Variants in PRELID2 observed in about 807,000 individuals in gnomAD.
PRELID2 encodes PRELI domain-containing protein 2.
A neutral mutation model predicts 28.4 loss-of-function variants in PRELID2; 25 were observed. That is an observed-to-expected ratio of 0.88 (90% CI 0.64 to 1.23). PRELID2 has a LOEUF of 1.23. PRELID2 is among the 50% of genes most tolerant of loss of function. The probability of loss-of-function intolerance (pLI) is 0.00; values close to 1 mark genes in which losing one functional copy is unlikely to be tolerated. For synonymous variants in PRELID2, 76 were observed against 71.6 expected, an observed-to-expected ratio of 1.06 and a Z score of -0.31; for missense variants, 201 against 214.4, an observed-to-expected ratio of 0.94 and a Z score of 0.39.
the PRELID2 span, among the ~76,000 whole-genome samples, chr5:145,398,914 G>A: frequency 5.3e-5 from 8 of 152,026 alleles, no homozygotes; most frequent in Admixed American, 2.0e-4. Flanking sequence ...GTCTTGAGAG[G>A]ATCATATAGA....
At chr5:145,418,183 A>G in the PRELID2 span, among the ~76,000 whole-genome samples, 1 of 152,140 alleles carries the variant, frequency 6.6e-6, no homozygotes, top group Non-Finnish European at 1.5e-5. Flanking sequence ...GATAACAAGG[A>G]AAGTGAATGA....
At chr5:145,643,463 G>A (rs1754142445) in intron 1 of PRELID2, among the ~76,000 whole-genome samples, 1 of 152,178 alleles carries the variant, frequency 6.6e-6, no homozygotes, top group African/African-American at 2.4e-5. Flanking sequence ...TGCAAACATA[G>A]ATAATTTGAC....
At chr5:145,691,476 CA>C (rs1755148200) in intron 1 of PRELID2, among the ~76,000 whole-genome samples, 1 of 152,058 alleles carries the variant, frequency 6.6e-6, no homozygotes, top group Non-Finnish European at 1.5e-5. Flanking sequence ...GAGGCCGAGG[CA>C]GGGGGATCAC....
the PRELID2 span, among the ~76,000 whole-genome samples, chr5:145,418,828 A>T: frequency 6.6e-6 from 1 of 151,268 alleles, no homozygotes; most frequent in Non-Finnish European, 1.5e-5. Flanking sequence ...CGCTGCACCC[A>T]CTAACTCGTC....
At chr5:145,614,753 A>G (rs1276846079) in intron 1 of PRELID2, among the ~76,000 whole-genome samples, 1 of 152,156 alleles carries the variant, frequency 6.6e-6, no homozygotes, top group African/African-American at 2.4e-5. Flanking sequence ...TTTTCAAGAT[A>G]AACAATCATA....
intron 1 of PRELID2, among the ~76,000 whole-genome samples, chr5:145,829,284 G>A (rs529886552): frequency 6.6e-6 from 1 of 152,204 alleles, no homozygotes; most frequent in Admixed American, 6.5e-5. Context: ...TGTTCAAATG[G>A]CATTTAGAAA....
In PRELID2 at chr5:145,547,861, C is replaced by T. The variant is rs550554881; in HGVS notation, n.71-74546G>A. ...AGTATAGTCATACAGAGATCATCTG[C>T]CAAATGCAATGTTCTTTTCTTTTTC... On this transcript the variant is annotated intron_variant and non_coding_transcript_variant, in intron 1 of 2. Coordinates refer to the PRELID2 transcript ENST00000510259. Among the ~76,000 whole-genome samples, 27 of 152,294 alleles carry T rather than the reference C, an allele frequency of 1.8e-4. No individual in the cohort carries two copies. In the South Asian group the frequency reaches 5.6e-3, roughly 32 times the overall value.
downstream of PRELID2, among the ~76,000 whole-genome samples, chr5:145,468,913 A>G (rs1191910224): frequency 6.6e-6 from 1 of 152,072 alleles, no homozygotes; most frequent in African/African-American, 2.4e-5. Context: ...GAAGCTCTTT[A>G]GTTTAATTAG....
chr5:145,350,390 A>T, the PRELID2 span, among the ~76,000 whole-genome samples: 1 of 152,198 alleles, frequency 6.6e-6, no homozygotes, highest in Non-Finnish European at 1.5e-5. Context: ...CAAGAAAGGC[A>T]CAGGGCTCCA....
chr5:145,751,710 G>A (rs765744333), downstream of PRELID2, among the ~76,000 whole-genome samples: 8 of 152,180 alleles, frequency 5.3e-5, no homozygotes, highest in East Asian at 1.9e-4. Flanking sequence ...GGCCAGGCAC[G>A]GTGGCTCACG....
intron 1 of PRELID2, among the ~76,000 whole-genome samples, chr5:145,647,468 T>G (rs375092541): frequency 1.3e-3 from 203 of 152,160 alleles, no homozygotes; most frequent in African/African-American, 4.7e-3. Flanking sequence ...TCTGTGGGGG[T>G]GGGACCCACC....
chr5:145,604,748 GTTTTTT>G (rs377653737), intron 1 of PRELID2, among the ~76,000 whole-genome samples: 4 of 109,004 alleles, frequency 3.7e-5, no homozygotes, highest in African/African-American at 1.3e-4. Context: ...GTTTTTTTTG[GTTTTTT>G]TTTTTTTTTT....
At chr5:145,495,257 C>T (rs143235380) in intron 1 of PRELID2, among the ~76,000 whole-genome samples, 188 of 152,252 alleles carry the variant, frequency 1.2e-3, no homozygotes, top group African/African-American at 4.5e-3. Flanking sequence ...CTGCCTCTTC[C>T]GGCAGGCTGG....
chr5:145,599,809 A>C (rs1309706899), intron 1 of PRELID2, among the ~76,000 whole-genome samples: 4 of 152,294 alleles, frequency 2.6e-5, no homozygotes, highest in Admixed American at 2.6e-4. Flanking sequence ...TCTTAAACCT[A>C]GTTGTACATC....
chr5:145,324,296 TAAAAGACA>T, the PRELID2 span, among the ~76,000 whole-genome samples: 2 of 152,132 alleles, frequency 1.3e-5, no homozygotes, highest in Non-Finnish European at 2.9e-5. Context: ...GGGACATGTC[TAAAAGACA>T]TGTCCAAAAA....
intron 4 of PRELID2, among the ~76,000 whole-genome samples, chr5:145,803,679 C>T (rs1753299024): frequency 7.0e-6 from 1 of 143,102 alleles, no homozygotes; most frequent in Non-Finnish European, 1.5e-5. Flanking sequence ...ACAGTACTAA[C>T]ATTAGTAATA....
the PRELID2 span, among the ~76,000 whole-genome samples, chr5:145,414,029 T>C: frequency 2.0e-5 from 3 of 152,170 alleles, no homozygotes; most frequent in South Asian, 2.1e-4. Flanking sequence ...GAAGAAAATA[T>C]TTCTTATTTT....
downstream of PRELID2, among the ~76,000 whole-genome samples, chr5:145,467,870 T>A (rs1752016272): frequency 6.6e-6 from 1 of 151,920 alleles, no homozygotes; most frequent in African/African-American, 2.4e-5. Context: ...CAAGTTTATT[T>A]TAAAGTTAAT....
intron 1 of PRELID2, among the ~76,000 whole-genome samples, chr5:145,653,668 G>A (rs956365207): frequency 6.6e-6 from 1 of 152,168 alleles, no homozygotes; most frequent in African/African-American, 2.4e-5. Context: ...ATAACGAAAT[G>A]AAGGCAGAAA....
Sources: allele counts gnomAD v4.1 joint callset (sites outside exome capture counted in the v4.1 genomes callset), GRCh38; gene constraint gnomAD v4.1.1; transcripts MANE v1.5; gene names NCBI Gene and HGNC (gene_info 2026-07-23, HGNC 2026-07-21).